Variants in ADPRS observed in about 807,000 individuals in gnomAD.
ADPRS encodes ADP-ribosylserine hydrolase.
Under a neutral mutation model 32.1 loss-of-function variants are expected in ADPRS, and 25 were observed. The observed-to-expected ratio is 0.78, with a 90% confidence interval of 0.57 to 1.09. ADPRS has a LOEUF of 1.09. Ranked by LOEUF, ADPRS falls within the 50% of genes least tolerant of loss-of-function variation. The pLI is 0.00. For missense variants in ADPRS, 482 were observed against 480.6 expected (o/e 1.00, Z -0.03); for synonymous variants, 225 against 201.0 (o/e 1.12, Z -1.01).
rs1190756525 is a variant in ADPRS, at chr1:36,091,257, C to T, written c.225C>T (p.Tyr75=). 14 of 1,614,038 alleles carry T rather than the reference C, an allele frequency of 8.7e-6. No individual in the cohort carries two copies. Among genetic ancestry groups the T allele is most frequent in the Non-Finnish European group, 1.1e-5 (13 of 1,180,012 alleles). ...CTCTCCCCACAGAAGCCTTGTACTA[C>T]ACAGATGACACAGCCATGGCCAGGG... ...PGSERTEALY[Y]TDDTAMARAL... is the part of the protein sequence containing the mutation. Residue 75 remains tyrosine (Y), a synonymous_variant, in exon 2 of 6, where the codon TAC becomes TAT. Transcript: ENST00000373178.
At chr1:36,089,152 G>GA in intron 1 of ADPRS, 37 bp downstream of exon 1, 14 of 1,385,404 alleles carry the variant, frequency 1.0e-5, no homozygotes, top group Non-Finnish European at 1.3e-5. Flanking sequence ...GGCCGTGCGG[G>GA]AGGGAGGCCG....
Position 36,091,764 on chromosome 1 carries a change from G to A in ADPRS, c.455G>A (p.Gly152Glu). ...QFNGKGSYGNGGAMRVAGISL... is the reference protein window; with the variant it reads ...QFNGKGSYGNEGAMRVAGISL... ...AACGGGAAAGGCTCCTATGGCAATG[G>A]AGGTGCCATGCGGGTGGCTGGCATC... Residue 152 changes from glycine (G) to glutamate (E), a missense_variant, in exon 3 of 6, where the codon GGA (glycine) becomes GAA (glutamate). Transcript: ENST00000373178. 1 of 1,613,004 alleles carries A rather than the reference G, an allele frequency of 6.2e-7. No homozygotes were observed. The highest frequency in any genetic ancestry group is 2.2e-5 in the East Asian group (1 of 44,848).
intron 1 of ADPRS, among the ~76,000 whole-genome samples, chr1:36,089,697 A>G (rs1425919399): frequency 1.3e-5 from 2 of 152,168 alleles, no homozygotes; most frequent in Admixed American, 1.3e-4. Flanking sequence ...CCCTTAGTAC[A>G]GAGCCACATT....
In ADPRS at chr1:36,093,562, G is replaced by C. The variant is rs1643516042; in HGVS notation, c.*176G>C. 3.8e-6 allele frequency: 3 copies of C among 793,014 alleles called. No homozygotes were observed. 49.1% of individuals were successfully genotyped at this position (793,014 alleles called of 1,614,324 possible). A position where few individuals can be genotyped will look rare whatever the true frequency, so the allele number is the denominator to read the frequency against. ...GGAGGTCACTGGAACAGCGAGCAAGGGACTGGTGCCTCGCTGGTGCTGGGT... is the reference window on the plus strand; with the variant it reads ...GGAGGTCACTGGAACAGCGAGCAAGCGACTGGTGCCTCGCTGGTGCTGGGT... On this transcript the variant is annotated 3_prime_UTR_variant, in exon 6 of 6. Coordinates refer to ENST00000373178, the MANE Select transcript of ADPRS (RefSeq NM_017825.3).
rs1444116147 is a variant in ADPRS, at chr1:36,093,282, T to C, written c.988T>C (p.Tyr330His). 9.3e-6 allele frequency: 15 copies of C among 1,614,212 alleles called. No individual in the cohort carries two copies. The highest frequency in any genetic ancestry group is 1.3e-5 in the Non-Finnish European group (15 of 1,180,044). ...GGCTGGGGCCATTGCTGGTGCCTACTATGGGATGGATCAGGTGCCAGAGAG... is the reference window on the plus strand; with the variant it reads ...GGCTGGGGCCATTGCTGGTGCCTACCATGGGATGGATCAGGTGCCAGAGAG... ...TMAGAIAGAY[Y>H]GMDQVPESWQ... Residue 330 changes from tyrosine (Y) to histidine (H), a missense_variant, in exon 6 of 6, where the codon TAT becomes CAT. Coordinates refer to ENST00000373178, the MANE Select transcript of ADPRS (RefSeq NM_017825.3).
chr1:36,092,618 G>A, intron 5 of ADPRS, 96 bp downstream of exon 5: 1 of 1,163,114 alleles, frequency 8.6e-7, no homozygotes, highest in Non-Finnish European at 1.3e-6. Flanking sequence ...CCGTCGCATT[G>A]TACCCTGGGC....
intron 1 of ADPRS, among the ~76,000 whole-genome samples, chr1:36,089,729 C>G (rs568125404): frequency 6.6e-6 from 1 of 152,304 alleles, no homozygotes; most frequent in African/African-American, 2.4e-5. Flanking sequence ...CCGACGTGGT[C>G]CGGCCCTCCC....
chr1:36,091,230 T>C lies in ADPRS; in HGVS notation c.212-14T>C, dbSNP rs1570011148. ...GTGAGCAGGAGGCTCTCATCCTCCC[T>C]CCTCTCCCCACAGAAGCCTTGTACT... On this transcript the variant is annotated splice_polypyrimidine_tract_variant and intron_variant, in intron 1 of 5. Transcript: ENST00000373178. The C allele has an allele frequency of 2.5e-6, 4 of 1,610,334 alleles. No homozygotes were observed. Among genetic ancestry groups the C allele is most frequent in the Non-Finnish European group, 3.4e-6 (4 of 1,177,002 alleles).
chr1:36,092,789 C>T lies in ADPRS; in HGVS notation c.802+267C>T, dbSNP rs767881905. 9.9e-5 allele frequency among the ~76,000 whole-genome samples: 15 copies of T among 152,206 alleles called. 1 individual carries two copies. The highest frequency in any genetic ancestry group is 1.9e-4 in the Non-Finnish European group (13 of 68,040). On this transcript the variant is annotated intron_variant, in intron 5 of 5. Transcript: ENST00000373178. The stretch of plus-strand genomic sequence containing the variant: ...TTATTTGTCTAGCATCTATACTGGG[C>T]GTTGTGCAGAATGCTTCACAGACAC...
Position 36,089,127 on chromosome 1 carries a change from C to T in ADPRS, c.211+12C>T. On this transcript the variant is annotated intron_variant, in intron 1 of 5. Transcript: ENST00000373178. ...GAGTGAGCGGACAGGTGGGCGGGGCCGGGCGCAAGTCAGAGGCCGTGCGGG... is the reference window on the plus strand; with the variant it reads ...GAGTGAGCGGACAGGTGGGCGGGGCTGGGCGCAAGTCAGAGGCCGTGCGGG... The T allele has an allele frequency of 1.4e-6, 2 of 1,403,274 alleles. No individual in the cohort carries two copies. Among genetic ancestry groups the T allele is most frequent in the Non-Finnish European group, 1.9e-6 (2 of 1,079,428 alleles). The allele number at this position is 1,403,274 out of a possible 1,614,324, so 86.9% of individuals were successfully genotyped here.
chr1:36,092,071 C>G lies in ADPRS; in HGVS notation c.678C>G (p.Ala226=), dbSNP rs775954364. 5.0e-6 allele frequency: 8 copies of G among 1,611,290 alleles called. No individual in the cohort carries two copies. The highest frequency in any genetic ancestry group is 6.8e-6 in the Non-Finnish European group (8 of 1,178,428). Residue 226 remains alanine (A), a synonymous_variant, in exon 4 of 6, where the codon GCC becomes GCG. Transcript: ENST00000373178. ...ACATGGAGGATCTGGAGGGTGATGCCCAGTCCGTCTTGGATGCCAGGGAGT... is the reference window on the plus strand; with the variant it reads ...ACATGGAGGATCTGGAGGGTGATGCGCAGTCCGTCTTGGATGCCAGGGAGT... ...LGHMEDLEGD[A]QSVLDARELG...
Position 36,089,116 on chromosome 1 carries a change from G to C in ADPRS, c.211+1G>C. 1 of 1,414,018 alleles carries C rather than the reference G, an allele frequency of 7.1e-7. No homozygotes were observed. 87.6% of individuals were successfully genotyped at this position (1,414,018 alleles called of 1,614,324 possible). A position where few individuals can be genotyped will look rare whatever the true frequency, so the allele number is the denominator to read the frequency against. On this transcript the variant is annotated splice_donor_variant, in intron 1 of 5. Transcript: ENST00000373178. LOFTEE classifies it high-confidence loss of function. ...GGCACGCCCGGGAGTGAGCGGACAG[G>C]TGGGCGGGGCCGGGCGCAAGTCAGA...
Position 36,093,625 on chromosome 1 carries a change from C to G in ADPRS, c.*239C>G. The G allele has an allele frequency of 7.3e-6, 4 of 549,658 alleles. No individual in the cohort carries two copies. Among genetic ancestry groups the G allele is most frequent in the Non-Finnish European group, 1.3e-5 (4 of 310,654 alleles). 34.0% of individuals were successfully genotyped at this position (549,658 alleles called of 1,614,324 possible). A position where few individuals can be genotyped will look rare whatever the true frequency, so the allele number is the denominator to read the frequency against. On this transcript the variant is annotated 3_prime_UTR_variant, in exon 6 of 6. Coordinates refer to ENST00000373178, the MANE Select transcript of ADPRS (RefSeq NM_017825.3). ...GCAGAGCCGTAGGACACTCCTGGCT[C>G]CTCAGTAGGACAGACAGACGCAGGC...
In ADPRS at chr1:36,092,550, T is replaced by C. The variant is rs1221271710; in HGVS notation, c.802+28T>C. 10 of 1,607,066 alleles carry C rather than the reference T, an allele frequency of 6.2e-6. No homozygotes were observed. In the Admixed American group the frequency reaches 1.7e-4, roughly 27 times the overall value. ...GAGTGGGTCTGCCTGGGATTGTCTC[T>C]CCCTCTGTCGTCCTTCAGGGTCGGT... On this transcript the variant is annotated intron_variant, in intron 5 of 5. Coordinates refer to ENST00000373178, the MANE Select transcript of ADPRS (RefSeq NM_017825.3).
intron 4 of ADPRS, 92 bp downstream of exon 4, chr1:36,092,186 C>T: frequency 6.8e-7 from 1 of 1,476,656 alleles, no homozygotes; most frequent in Non-Finnish European, 9.1e-7. Flanking sequence ...TCCTCAATTG[C>T]AGACCCTAGG....
At chr1:36,092,587 G>C in intron 5 of ADPRS, 65 bp downstream of exon 5, 1 of 1,499,668 alleles carries the variant, frequency 6.7e-7, no homozygotes, top group South Asian at 1.1e-5. Flanking sequence ...TTGGGCTCAG[G>C]GGAGCATGGA....
chr1:36,092,139 C>G, intron 4 of ADPRS, 45 bp downstream of exon 4: 1 of 1,549,016 alleles, frequency 6.5e-7, no homozygotes, highest in Non-Finnish European at 8.7e-7. Flanking sequence ...TGTGGGTGAT[C>G]CAGGGGGCCT....
In ADPRS at chr1:36,089,128, G is replaced by A. The variant is rs770585649; in HGVS notation, c.211+13G>A. On this transcript the variant is annotated intron_variant, in intron 1 of 5. Transcript: ENST00000373178. The stretch of plus-strand genomic sequence containing the variant: ...AGTGAGCGGACAGGTGGGCGGGGCC[G>A]GGCGCAAGTCAGAGGCCGTGCGGGA... The A allele has an allele frequency of 9.2e-6, 13 of 1,405,680 alleles. No homozygotes were observed. Among genetic ancestry groups the A allele is most frequent in the African/African-American group, 1.5e-5 (1 of 65,618 alleles). The allele number at this position is 1,405,680 out of a possible 1,614,324, so 87.1% of individuals were successfully genotyped here. A position where few individuals can be genotyped will look rare whatever the true frequency, so the allele number is the denominator to read the frequency against.
At chr1:36,091,131 T>C in intron 1 of ADPRS, 113 bp from the exon 2 acceptor site, 1 of 766,536 alleles carries the variant, frequency 1.3e-6, no homozygotes, top group Non-Finnish European at 2.2e-6. Flanking sequence ...ATTGCACCAG[T>C]GCACTCCAGT....
Sources: gnomAD v4.1 joint callset for allele counts (sites outside exome capture counted in the v4.1 genomes callset) on GRCh38, gnomAD v4.1.1 for gene constraint, MANE v1.5 for transcripts, NCBI Gene and HGNC (gene_info 2026-07-23, HGNC 2026-07-21) for gene names.